WIPI1: variants seen among roughly 807,000 people sequenced by gnomAD.
WIPI1 encodes the protein WD repeat domain, phosphoinositide interacting 1.
WIPI1 carries 45 observed loss-of-function variants against 55.3 expected under a neutral mutation model. That is an observed-to-expected ratio of 0.81 (90% CI 0.64 to 1.04). The LOEUF (loss-of-function observed/expected upper bound fraction) is 1.04. Among genes scored for constraint, WIPI1 ranks in the 50% least tolerant of loss-of-function variants. The probability of loss-of-function intolerance (pLI) is 0.00; values close to 1 mark genes in which losing one functional copy is unlikely to be tolerated. For synonymous variants in WIPI1, 195 were observed against 217.6 expected (o/e 0.90, Z 0.92); for missense variants, 445 against 559.0 (o/e 0.80, Z 2.06).
At chr17:68,441,027 G>A (rs777775584) in intron 4 of WIPI1, 1 of 152,194 alleles carries the variant, frequency 6.6e-6, no homozygotes, top group Non-Finnish European at 1.5e-5. Flanking sequence ...ACCATGAACT[G>A]TTCAATGATC....
chr17:68,431,687 G>A (rs2083518760), intron 8 of WIPI1, among the ~76,000 whole-genome samples: 1 of 152,056 alleles, frequency 6.6e-6, no homozygotes, highest in Non-Finnish European at 1.5e-5. Context: ...CTAAAGACAC[G>A]TTCAAGGGCC....
chr17:68,429,842 GCCT>G (rs1157396512), intron 9 of WIPI1, among the ~76,000 whole-genome samples, 151 bp downstream of exon 9: 3 of 152,164 alleles, frequency 2.0e-5, no homozygotes, highest in African/African-American at 7.2e-5. Context: ...GCCTGCCTTG[GCCT>G]CCCAAGGTTC....
At chr17:68,424,705 G>T (rs541120102) in intron 12 of WIPI1, among the ~76,000 whole-genome samples, 1 of 152,100 alleles carries the variant, frequency 6.6e-6, no homozygotes, top group South Asian at 2.1e-4. Flanking sequence ...GTGAAACCCC[G>T]TCTCTACTAA....
intron 4 of WIPI1, among the ~76,000 whole-genome samples, 171 bp from the exon 5 acceptor site, chr17:68,436,650 A>G (rs2083805231): frequency 1.3e-5 from 2 of 152,196 alleles, no homozygotes; most frequent in South Asian, 4.1e-4. Context: ...GGCTTCCAAT[A>G]AAGCAACTTC....
intron 11 of WIPI1, 38 bp from the exon 12 acceptor site, chr17:68,426,213 GATCTGCTTTTATGCCATGACCT>G: frequency 7.7e-7 from 1 of 1,293,484 alleles, no homozygotes; most frequent in Non-Finnish European, 1.1e-6. Context: ...AAGCACTGGG[GATCTGCTTTTATGCCATGACCT>G]GGCGGGTGGG....
In WIPI1 at chr17:68,431,495, G is replaced by A. The variant is rs1186930919; in HGVS notation, c.801-1335C>T. ...CAGGTCTGACTCAGGGGGACGGGAG[G>A]AGCTGGGACTTCATTCCCAAGGTCA... On this transcript the variant is annotated intron_variant, in intron 8 of 12. Transcript: ENST00000262139. Among the ~76,000 whole-genome samples, 3 of 152,132 alleles carry A rather than the reference G, an allele frequency of 2.0e-5. No individual in the cohort carries two copies. In the East Asian group the frequency reaches 5.8e-4, roughly 29 times the overall value.
intron 12 of WIPI1, 190 bp from the exon 13 acceptor site, chr17:68,422,010 C>A: frequency 1.6e-6 from 1 of 639,962 alleles, no homozygotes; most frequent in South Asian, 1.8e-5. Context: ...AAGTATGACA[C>A]AGTTCTAGAA....
chr17:68,424,463 A>C (rs770939948), intron 12 of WIPI1: 1 of 534,702 alleles, frequency 1.9e-6, no homozygotes, highest in Non-Finnish European at 3.8e-6. Flanking sequence ...TGGAAGCTCA[A>C]TGGACACAAA....
At chr17:68,449,511 G>A (rs2909208) in intron 3 of WIPI1, among the ~76,000 whole-genome samples, 73,491 of 152,100 alleles carry the variant, frequency 0.48, 18,159 homozygotes, top group African/African-American at 0.55. Context: ...GTAATCTTCA[G>A]TGTTGGAGGA....
At chr17:68,455,492 C>A (rs1600393831) in intron 1 of WIPI1, among the ~76,000 whole-genome samples, 1 of 152,104 alleles carries the variant, frequency 6.6e-6, no homozygotes, top group East Asian at 1.9e-4. Flanking sequence ...CCAAATTCAG[C>A]CTACATTTAT....
At chr17:68,434,806 T>C (rs556463175) in intron 6 of WIPI1, among the ~76,000 whole-genome samples, 180 bp from the exon 7 acceptor site, 1 of 152,346 alleles carries the variant, frequency 6.6e-6, no homozygotes, top group South Asian at 2.1e-4. Flanking sequence ...GAAAATGTTA[T>C]AAACACCCTC....
At chr17:68,438,497 A>T (rs779404142) in intron 4 of WIPI1, among the ~76,000 whole-genome samples, 8 of 152,240 alleles carry the variant, frequency 5.3e-5, no homozygotes, top group Non-Finnish European at 1.2e-4. Context: ...GCTGGCAGAA[A>T]AGATGTGAAG....
chr17:68,446,716 C>T (rs1469829862), intron 3 of WIPI1, among the ~76,000 whole-genome samples: 1 of 152,182 alleles, frequency 6.6e-6, no homozygotes, highest in Non-Finnish European at 1.5e-5. Context: ...CCCTCCCAGC[C>T]CCACACCCAA....
chr17:68,428,804 G>T, intron 10 of WIPI1, 25 bp downstream of exon 10: 1 of 1,571,352 alleles, frequency 6.4e-7, no homozygotes, highest in Non-Finnish European at 8.8e-7. Flanking sequence ...TCGAAAGGCT[G>T]TCTTTTGAAA....
intron 3 of WIPI1, among the ~76,000 whole-genome samples, chr17:68,448,795 G>C (rs893706910): frequency 4.6e-5 from 7 of 152,204 alleles, no homozygotes; most frequent in Non-Finnish European, 1.0e-4. Context: ...AACTTAATCT[G>C]CTACCAACAG....
At chr17:68,449,390 G>A (rs760590467) in intron 3 of WIPI1, among the ~76,000 whole-genome samples, 1 of 152,156 alleles carries the variant, frequency 6.6e-6, no homozygotes, top group Non-Finnish European at 1.5e-5. Flanking sequence ...AGCACTCTGC[G>A]AGGCCAAGGA....
rs770856951 is a variant in WIPI1 at position 68,433,457 on chromosome 17, G to A, written c.800+11C>T. 12 of 1,612,106 alleles carry A rather than the reference G, an allele frequency of 7.4e-6. No individual in the cohort carries two copies. The highest frequency in any genetic ancestry group is 5.5e-5 in the South Asian group (5 of 91,034). On this transcript the variant is annotated intron_variant, in intron 8 of 12. Transcript: ENST00000262139. ...GTTTAATGAGCATTTGGTGCCCCGC[G>A]GAGTACTTGCCTGTTGGTGACCTGT...
intron 2 of WIPI1, 53 bp from the exon 3 acceptor site, chr17:68,450,950 A>T: frequency 1.3e-6 from 2 of 1,568,786 alleles, no homozygotes; most frequent in Non-Finnish European, 8.6e-7. Flanking sequence ...TCCAAGAAGG[A>T]TTCCAGCCTC....
At chr17:68,450,988 G>A in intron 2 of WIPI1, 91 bp from the exon 3 acceptor site, 1 of 1,483,584 alleles carries the variant, frequency 6.7e-7, no homozygotes, top group East Asian at 2.4e-5. Flanking sequence ...CGCAGGCCAG[G>A]TTCCAAAGGT....
Sources: gnomAD v4.1 joint callset for allele counts (sites outside exome capture counted in the v4.1 genomes callset) on GRCh38, gnomAD v4.1.1 for gene constraint, MANE v1.5 for transcripts, NCBI Gene and HGNC (gene_info 2026-07-23, HGNC 2026-07-21) for gene names.